PRDM16: variants seen among roughly 807,000 people sequenced by gnomAD.
PRDM16 encodes histone-lysine N-methyltransferase PRDM16.
In PRDM16, 23 loss-of-function variants were observed where a neutral mutation model predicts 110.6. The ratio of observed to expected loss-of-function variants is 0.21; its 90% CI spans 0.15 to 0.29. PRDM16 has a LOEUF of 0.29. PRDM16 is among the 10% of genes least tolerant of loss of function. PRDM16 has a pLI of 1.00. For missense variants in PRDM16, 1,615 were observed against 1,794.3 expected (o/e 0.90, Z 1.81); for synonymous variants, 799 against 781.8 (o/e 1.02, Z -0.37).
chr1:3,233,958 G>T (rs1005788342), intron 2 of PRDM16, among the ~76,000 whole-genome samples: 1 of 152,110 alleles, frequency 6.6e-6, no homozygotes, highest in African/African-American at 2.4e-5. Context: ...CCTCTTGCGG[G>T]TGGGAGTGGC....
chr1:3,244,961 G>A lies in PRDM16; in HGVS notation c.438+824G>A, dbSNP rs1165507887. ...CCTATTTTTTGGGGGGGGGTTTCTA[G>A]TAAAATTAAAGTAACAGTCTCTCGC... On this transcript the variant is annotated intron_variant, in intron 3 of 16. Transcript: ENST00000270722. This position sits in a 1 kb window ranked among gnomAD's most constrained non-coding sequence, Gnocchi z 4.1. Among the ~76,000 whole-genome samples, 2 of 152,152 alleles carry A rather than the reference G, an allele frequency of 1.3e-5. No individual in the cohort carries two copies. Among genetic ancestry groups the A allele is most frequent in the African/African-American group, 2.4e-5 (1 of 41,432 alleles).
chr1:3,257,373 G>A (rs543525171), intron 3 of PRDM16, among the ~76,000 whole-genome samples: 1 of 152,274 alleles, frequency 6.6e-6, no homozygotes, highest in South Asian at 2.1e-4. Flanking sequence ...CTCTAGGCCG[G>A]GCACCAGCTG....
chr1:3,332,059 C>T (rs1410177141), intron 3 of PRDM16, among the ~76,000 whole-genome samples: 3 of 152,242 alleles, frequency 2.0e-5, no homozygotes, highest in Admixed American at 6.5e-5. Flanking sequence ...CTCCCTGCTC[C>T]GAAGCACCCG....
At chr1:3,338,890 G>A (rs1642214684) in intron 3 of PRDM16, among the ~76,000 whole-genome samples, 2 of 152,240 alleles carry the variant, frequency 1.3e-5, no homozygotes, top group African/African-American at 4.8e-5. Context: ...CAGAGAAAGG[G>A]CTGTCTGATG....
chr1:3,297,246 G>A (rs560033261), intron 3 of PRDM16, among the ~76,000 whole-genome samples: 86 of 151,706 alleles, frequency 5.7e-4, no homozygotes, highest in African/African-American at 1.9e-3. Flanking sequence ...CCGAAGCAGC[G>A]AGACCCTATC....
chr1:3,421,028 T>A (rs921172893), intron 12 of PRDM16, among the ~76,000 whole-genome samples: 1 of 152,200 alleles, frequency 6.6e-6, no homozygotes, highest in African/African-American at 2.4e-5. Flanking sequence ...CTGCCTTCTG[T>A]GTGAAGCTGG....
chr1:3,210,904 G>C (rs796619528), intron 2 of PRDM16, among the ~76,000 whole-genome samples: 2 of 151,834 alleles, frequency 1.3e-5, no homozygotes, highest in East Asian at 3.8e-4. Context: ...TTATTTATTC[G>C]ATATGTATTT....
At chr1:3,075,020 A>G (rs1641865200) in intron 1 of PRDM16, among the ~76,000 whole-genome samples, 1 of 152,198 alleles carries the variant, frequency 6.6e-6, no homozygotes, top group South Asian at 2.1e-4. Context: ...GCAGGGGAGG[A>G]GTGGCCTCTC....
chr1:3,306,223 A>G (rs1277944588), intron 3 of PRDM16, among the ~76,000 whole-genome samples: 1 of 152,256 alleles, frequency 6.6e-6, no homozygotes, highest in African/African-American at 2.4e-5. Context: ...GCCAGCTCCA[A>G]AGACCGCTGG....
chr1:3,411,350 T>C (rs776114218), intron 8 of PRDM16, 34 bp from the exon 9 acceptor site: 52 of 1,576,140 alleles, frequency 3.3e-5, no homozygotes, highest in Admixed American at 1.2e-4. Flanking sequence ...GGTCATTTCA[T>C]GCGGGTTTGT....
chr1:3,115,579 C>G (rs1240822599), intron 1 of PRDM16, among the ~76,000 whole-genome samples: 1 of 152,230 alleles, frequency 6.6e-6, no homozygotes, highest in Non-Finnish European at 1.5e-5. Flanking sequence ...CACACTGCCC[C>G]GGCGCCGGCC....
At chr1:3,109,419 C>T (rs1156937899) in intron 1 of PRDM16, among the ~76,000 whole-genome samples, 1 of 152,168 alleles carries the variant, frequency 6.6e-6, no homozygotes, top group African/African-American at 2.4e-5. Flanking sequence ...AGGATGCAGG[C>T]TGAGGCTCTC....
chr1:3,255,608 C>T lies in PRDM16; in HGVS notation c.438+11471C>T, dbSNP rs1272992234. On this transcript the variant is annotated intron_variant, in intron 3 of 16. Coordinates refer to ENST00000270722, the MANE Select transcript of PRDM16 (RefSeq NM_022114.4). This position sits in a 1 kb window ranked among gnomAD's most constrained non-coding sequence, Gnocchi z 4.7. ...GTGGCTCGAAACAGCACACGGTGCCCCTCCTTATCGCATTCAACTTAGCTG... is the reference window on the plus strand; with the variant it reads ...GTGGCTCGAAACAGCACACGGTGCCTCTCCTTATCGCATTCAACTTAGCTG... Among the ~76,000 whole-genome samples, 2 of 152,182 alleles carry T rather than the reference C, an allele frequency of 1.3e-5. No individual in the cohort carries two copies. The highest frequency in any genetic ancestry group is 4.8e-5 in the African/African-American group (2 of 41,440).
intron 1 of PRDM16, among the ~76,000 whole-genome samples, chr1:3,167,071 C>A (rs1014387601): frequency 6.6e-6 from 1 of 152,146 alleles, no homozygotes; most frequent in African/African-American, 2.4e-5. Flanking sequence ...AACACAGGGA[C>A]GATCTGGATT....
At chr1:3,270,465 C>T (rs929259409) in intron 3 of PRDM16, among the ~76,000 whole-genome samples, 44 of 122,882 alleles carry the variant, frequency 3.6e-4, no homozygotes, top group Admixed American at 3.5e-3. Context: ...GGACAGTCGG[C>T]GAGGAGGACA....
At chr1:3,395,935 G>A (rs1354434023) in intron 4 of PRDM16, among the ~76,000 whole-genome samples, 1 of 152,226 alleles carries the variant, frequency 6.6e-6, no homozygotes, top group Non-Finnish European at 1.5e-5. Context: ...AAGGCGCCAA[G>A]CTGACAGTGG....
At chr1:3,428,639 C>T (rs907868839) in intron 14 of PRDM16, among the ~76,000 whole-genome samples, 9 of 152,226 alleles carry the variant, frequency 5.9e-5, no homozygotes, top group Non-Finnish European at 7.3e-5. Context: ...GTGGCGGGAA[C>T]GTTCCCTGGG....
chr1:3,281,188 C>T (rs1262311273), intron 3 of PRDM16, among the ~76,000 whole-genome samples: 13 of 152,216 alleles, frequency 8.5e-5, no homozygotes, highest in Non-Finnish European at 1.8e-4. Context: ...CAACTCGAAA[C>T]GTTGCCATCT....
chr1:3,226,098 C>T (rs898275472), intron 2 of PRDM16, among the ~76,000 whole-genome samples: 3 of 152,236 alleles, frequency 2.0e-5, no homozygotes, highest in East Asian at 1.9e-4. Context: ...CAGCTTCCTC[C>T]TCCAGGTAGC....
Sources: allele counts gnomAD v4.1 joint callset (sites outside exome capture counted in the v4.1 genomes callset), GRCh38; gene constraint gnomAD v4.1.1; non-coding constraint Gnocchi (gnomAD v3.1); transcripts MANE v1.5; gene names NCBI Gene and HGNC (gene_info 2026-07-23, HGNC 2026-07-21).